Variants in FARSB observed in about 807,000 individuals in gnomAD.
FARSB encodes phenylalanine--tRNA ligase beta subunit.
In FARSB, 40 loss-of-function variants were observed where a neutral mutation model predicts 69.6. The ratio of observed to expected loss-of-function variants is 0.57; its 90% CI spans 0.45 to 0.75. The LOEUF (loss-of-function observed/expected upper bound fraction) is 0.75, where lower values mean the gene tolerates loss of function less well. Among genes scored for constraint, FARSB ranks in the 30% least tolerant of loss-of-function variants. FARSB has a pLI of 0.00. For missense variants in FARSB, 632 were observed against 722.9 expected (o/e 0.87, Z 1.44); for synonymous variants, 235 against 247.2 (o/e 0.95, Z 0.46).
At chr2:222,572,173 T>C in intron 16 of FARSB, 151 bp from the exon 17 acceptor site, 1 of 670,888 alleles carries the variant, frequency 1.5e-6, no homozygotes, top group Non-Finnish European at 2.4e-6. Context: ...TACTTTCTAG[T>C]ATTTAAAAGA....
rs766664351 is a variant in FARSB at position 222,599,912 on chromosome 2, G to A, written c.1618+16C>T. The A allele has an allele frequency of 1.1e-5, 18 of 1,565,918 alleles. No homozygotes were observed. Among genetic ancestry groups the A allele is most frequent in the South Asian group, 9.6e-5 (8 of 83,188 alleles). On this transcript the variant is annotated intron_variant, in intron 16 of 16. Coordinates refer to ENST00000281828, the MANE Select transcript of FARSB (RefSeq NM_005687.5). ...TGACACTGTCACTAACTCTGGATTC[G>A]GCTCATCTGTCTTACCTTCTGATGC... is the stretch of plus-strand genomic sequence containing the variant.
intron 1 of FARSB, among the ~76,000 whole-genome samples, chr2:222,649,722 A>G (rs139890530): frequency 7.9e-5 from 12 of 152,362 alleles, no homozygotes; most frequent in Non-Finnish European, 1.5e-4. Context: ...AGACACAGTG[A>G]GTCTACAATA....
At chr2:222,609,544 A>G (rs1690789675) in intron 15 of FARSB, among the ~76,000 whole-genome samples, 1 of 152,178 alleles carries the variant, frequency 6.6e-6, no homozygotes, top group Non-Finnish European at 1.5e-5. Context: ...CAAAATGCAT[A>G]AATCAGCTGA....
chr2:222,575,490 T>G (rs143225099), intron 16 of FARSB, among the ~76,000 whole-genome samples: 5 of 152,356 alleles, frequency 3.3e-5, no homozygotes, highest in African/African-American at 1.2e-4. Context: ...CTTACTGATG[T>G]TTCAAGATGT....
At chr2:222,633,504 G>T (rs1311862113) in intron 6 of FARSB, among the ~76,000 whole-genome samples, 197 bp from the exon 7 acceptor site, 1 of 151,328 alleles carries the variant, frequency 6.6e-6, no homozygotes, top group African/African-American at 2.4e-5. Context: ...CCAACATGGA[G>T]AAACCCCATC....
intron 16 of FARSB, among the ~76,000 whole-genome samples, chr2:222,578,609 C>T (rs557177411): frequency 5.3e-5 from 8 of 151,934 alleles, no homozygotes; most frequent in African/African-American, 1.4e-4. Flanking sequence ...GGGGCCAACG[C>T]GGGAAGATCA....
chr2:222,620,178 C>T (rs1368635843), intron 13 of FARSB, among the ~76,000 whole-genome samples: 2 of 152,204 alleles, frequency 1.3e-5, no homozygotes, highest in Non-Finnish European at 2.9e-5. Flanking sequence ...TCCTCCCAGC[C>T]TCACCTGCTA....
intron 16 of FARSB, among the ~76,000 whole-genome samples, chr2:222,572,649 TCTACTGTAAAA>T (rs1559185467): frequency 6.6e-6 from 1 of 152,172 alleles, no homozygotes; most frequent in Non-Finnish European, 1.5e-5. Context: ...TTCTGAAGCA[TCTACTGTAAAA>T]CCACAGCAAA....
intron 16 of FARSB, among the ~76,000 whole-genome samples, chr2:222,583,728 G>A (rs1379671149): frequency 1.3e-5 from 2 of 152,148 alleles, no homozygotes; most frequent in East Asian, 3.9e-4. Flanking sequence ...CCCATGGGAG[G>A]GTCTGGGTGG....
At chr2:222,632,443 A>G (rs1014961793) in intron 7 of FARSB, among the ~76,000 whole-genome samples, 1 of 152,176 alleles carries the variant, frequency 6.6e-6, no homozygotes, top group African/African-American at 2.4e-5. Context: ...CATGTTCTTA[A>G]CCACTGTAAC....
In FARSB at chr2:222,572,016, G is replaced by A; in HGVS notation, c.1625C>T (p.Ala542Val). 1 of 1,609,064 alleles carries A rather than the reference G, an allele frequency of 6.2e-7. No homozygotes were observed. Among genetic ancestry groups the A allele is most frequent in the Non-Finnish European group, 8.5e-7 (1 of 1,178,748 alleles). The change falls in exon 17 of 17, where the codon GCT (alanine) becomes GTT (valine). Residue 542 changes from alanine to valine, a missense_variant. Coordinates refer to ENST00000281828, the MANE Select transcript of FARSB (RefSeq NM_005687.5). The part of the protein sequence containing the change: ...GYVIKASEGP[A>V]FFPGRCAEIF... ...CTCTGCACATCGCCCGGGGAAGAAAGCAGGCCCTGAAAAAGAGAAAGTAAG... is the reference window on the plus strand; with the variant it reads ...CTCTGCACATCGCCCGGGGAAGAAAACAGGCCCTGAAAAAGAGAAAGTAAG...
intron 14 of FARSB, 90 bp downstream of exon 14, chr2:222,619,555 A>G (rs901123342): frequency 8.9e-6 from 6 of 675,798 alleles, no homozygotes; most frequent in African/African-American, 1.8e-5. Context: ...AGATTTCACC[A>G]TCTCAGGTAT....
At chr2:222,585,970 C>T (rs1690101982) in intron 16 of FARSB, among the ~76,000 whole-genome samples, 1 of 152,146 alleles carries the variant, frequency 6.6e-6, no homozygotes, top group Admixed American at 6.5e-5. Flanking sequence ...ACTTCCCCAA[C>T]CTAGCAAGGC....
chr2:222,576,994 T>G (rs1689855127), intron 16 of FARSB, among the ~76,000 whole-genome samples: 1 of 152,114 alleles, frequency 6.6e-6, no homozygotes. Context: ...GAACCAGCAG[T>G]TTTTTGAGGG....
rs147690598 is a variant in FARSB at position 222,575,042 on chromosome 2, T to C, written c.1619-3020A>G. On this transcript the variant is annotated intron_variant, in intron 16 of 16. Coordinates refer to ENST00000281828, the MANE Select transcript of FARSB (RefSeq NM_005687.5). The stretch of plus-strand genomic sequence containing the variant: ...GGCAGAAGGGAATTGCTTCAAAGGA[T>C]AGAAGAGAGAATAACTACTTCACTA... Among the ~76,000 whole-genome samples, 231 of 152,338 alleles carry C rather than the reference T, an allele frequency of 1.5e-3. 1 individual carries two copies. Among genetic ancestry groups the C allele is most frequent in the Admixed American group, 0.013 (200 of 15,302 alleles).
intron 16 of FARSB, among the ~76,000 whole-genome samples, chr2:222,583,258 C>G (rs1361915286): frequency 2.0e-5 from 3 of 152,146 alleles, no homozygotes; most frequent in Non-Finnish European, 2.9e-5. Flanking sequence ...TGATTAGAAA[C>G]AGTATATTTA....
chr2:222,567,952 AAAAG>A lies in FARSB; in HGVS notation c.*3915_*3918del, dbSNP rs1689659035. ...TGTACAATAGAATATTACCTCATTT[AAAAG>A]AATGAGATAGGTCTATAGGCACTGA... On this transcript the variant is annotated 3_prime_UTR_variant, in exon 17 of 17. Transcript: ENST00000281828. 1 of 152,238 alleles carries A rather than the reference AAAAG, an allele frequency of 6.6e-6. No individual in the cohort carries two copies. The highest frequency in any genetic ancestry group is 2.1e-4 in the South Asian group (1 of 4,832). The allele number at this position is 152,238 out of a possible 1,614,324, so 9.4% of individuals were successfully genotyped here.
At position 222,626,499 on chromosome 2, in the gene FARSB, T is replaced by C. The variant is rs1020870002; in HGVS notation, c.901-1724A>G. 1.8e-4 allele frequency among the ~76,000 whole-genome samples: 27 copies of C among 152,228 alleles called. 1 individual carries two copies. In the Middle Eastern group the frequency reaches 0.02, roughly 115 times the overall value. ...CAGTTTCCCCCAGAGGATCCTTCCC[T>C]AAGAAAAGCTGTTCTAATTTAAGTT... On this transcript the variant is annotated intron_variant, in intron 10 of 16. Transcript: ENST00000281828.
chr2:222,614,654 G>A (rs557874898), intron 14 of FARSB, among the ~76,000 whole-genome samples: 2 of 152,186 alleles, frequency 1.3e-5, no homozygotes, highest in South Asian at 2.1e-4. Flanking sequence ...AGACCAGCAC[G>A]GGCAACATAG....
Sources: gnomAD v4.1 joint callset for allele counts (sites outside exome capture counted in the v4.1 genomes callset) on GRCh38, gnomAD v4.1.1 for gene constraint, MANE v1.5 for transcripts, NCBI Gene and HGNC (gene_info 2026-07-23, HGNC 2026-07-21) for gene names.